DGCR2: variants seen among roughly 807,000 people sequenced by gnomAD.
DGCR2 encodes integral membrane protein DGCR2/IDD.
In DGCR2, 24 loss-of-function variants were observed where a neutral mutation model predicts 51.6. That is an observed-to-expected ratio of 0.47 (90% CI 0.34 to 0.65). DGCR2 has a LOEUF of 0.65. DGCR2 is among the 30% of genes least tolerant of loss of function. The pLI, the probability that DGCR2 is intolerant of heterozygous loss-of-function variation, is 0.01. For missense variants in DGCR2, 765 were observed against 772.1 expected, an observed-to-expected ratio of 0.99 and a Z score of 0.11; for synonymous variants, 340 against 315.4, an observed-to-expected ratio of 1.08 and a Z score of -0.82.
intron 5 of DGCR2, among the ~76,000 whole-genome samples, 182 bp downstream of exon 5, chr22:19,063,020 G>A (rs1384599004): frequency 3.3e-5 from 5 of 152,138 alleles, no homozygotes; most frequent in South Asian, 2.1e-4. Context: ...GCCCAATGCA[G>A]GGCCTGATCT....
chr22:19,086,497 T>A (rs966397787), intron 2 of DGCR2, among the ~76,000 whole-genome samples: 2 of 151,354 alleles, frequency 1.3e-5, no homozygotes, highest in Non-Finnish European at 2.9e-5. Flanking sequence ...AAAAAAGAAA[T>A]CAATCTGCTC....
Position 19,039,112 on chromosome 22 carries a change from G to A in DGCR2, c.1406C>T (p.Ala469Val). 6.2e-7 allele frequency: 1 copy of A among 1,613,082 alleles called. No individual in the cohort carries two copies. The highest frequency in any genetic ancestry group is 8.5e-7 in the Non-Finnish European group (1 of 1,179,966). ...CAGGCTGACCTCCACAGGCTCAAAAGCATCATCGTCTGCAGGAAGAGACAG... is the reference window on the plus strand; with the variant it reads ...CAGGCTGACCTCCACAGGCTCAAAAACATCATCGTCTGCAGGAAGAGACAG... ...SVFYDPADDD[A>V]FEPVEVSLPA... The change falls in exon 10 of 10, where the codon GCT becomes GTT. Residue 469 changes from alanine to valine, a missense_variant. By Grantham distance (64) the Ala-to-Val change is moderately conservative (BLOSUM62 0). This residue lies in a region of DGCR2 where 205 missense variants were observed against 181.4 expected (regional missense o/e 1.13). Transcript: ENST00000263196.
intron 1 of DGCR2, among the ~76,000 whole-genome samples, chr22:19,109,302 T>C (rs960585155): frequency 6.6e-6 from 1 of 152,200 alleles, no homozygotes; most frequent in African/African-American, 2.4e-5. Context: ...TCTGGGTACA[T>C]ACCCAAAATT....
chr22:19,062,517 C>G (rs1194189098), intron 5 of DGCR2, among the ~76,000 whole-genome samples: 2 of 152,154 alleles, frequency 1.3e-5, no homozygotes, highest in African/African-American at 2.4e-5. Flanking sequence ...AATCCTAGCT[C>G]AAGCCACAGG....
In DGCR2 at chr22:19,064,228, G is replaced by C. The variant is rs1014073804; in HGVS notation, c.548+620C>G. Among the ~76,000 whole-genome samples the C allele has an allele frequency of 3.9e-5, 6 of 152,374 alleles. No individual in the cohort carries two copies. The East Asian group carries it at 7.7e-4, about 20-fold the overall frequency. On this transcript the variant is annotated intron_variant, in intron 4 of 9. Coordinates refer to ENST00000263196, the MANE Select transcript of DGCR2 (RefSeq NM_005137.3). Reference sequence around the variant, plus strand: ...AACCACAAGGCTGTCCTCAGAGATGGGGCTGCCCTGCCCTCCGGGCTATAC... The same window carrying C: ...AACCACAAGGCTGTCCTCAGAGATGCGGCTGCCCTGCCCTCCGGGCTATAC...
Position 19,122,146 on chromosome 22 carries a change from T to C in DGCR2, c.61A>G (p.Thr21Ala). 1 of 1,500,934 alleles carries C rather than the reference T, an allele frequency of 6.7e-7. No homozygotes were observed. The highest frequency in any genetic ancestry group is 8.9e-7 in the Non-Finnish European group (1 of 1,124,746). 93.0% of individuals were successfully genotyped at this position (1,500,934 alleles called of 1,614,324 possible). A position where few individuals can be genotyped will look rare whatever the true frequency, so the allele number is the denominator to read the frequency against. ...GGCGCACCTGGCCGCAGCGGCTCGG[T>C]GACAGTGAGCACGAGCAGGAAGAGC... ...LLLFLLVLTV[T>A]EPLRPELRCN... Residue 21 changes from threonine (T) to alanine (A), a missense_variant, in exon 1 of 10, where the codon ACC becomes GCC. Around this residue, in one of 3 missense-constraint regions of DGCR2, gnomAD observed 370 missense variants for 325.5 expected, o/e 1.14. Coordinates refer to ENST00000263196, the MANE Select transcript of DGCR2 (RefSeq NM_005137.3).
chr22:19,042,115 C>T (rs1327269872), intron 7 of DGCR2, among the ~76,000 whole-genome samples, 156 bp from the exon 8 acceptor site: 2 of 152,212 alleles, frequency 1.3e-5, no homozygotes, highest in African/African-American at 4.8e-5. Context: ...TGAAATAAGG[C>T]CGCTCAAAAT....
chr22:19,064,550 C>T (rs1213000776), intron 4 of DGCR2, among the ~76,000 whole-genome samples: 1 of 152,216 alleles, frequency 6.6e-6, no homozygotes, highest in Admixed American at 6.5e-5. Context: ...CCCCCAGCCC[C>T]CTGCCTGCGC....
chr22:19,084,997 C>T (rs927723556), intron 2 of DGCR2, among the ~76,000 whole-genome samples: 17 of 149,534 alleles, frequency 1.1e-4, no homozygotes, highest in African/African-American at 3.0e-4. Flanking sequence ...AAGGGGGAAA[C>T]GTGGGGAAAA....
intron 1 of DGCR2, among the ~76,000 whole-genome samples, chr22:19,115,048 G>A (rs536169766): frequency 1.6e-4 from 25 of 152,348 alleles, no homozygotes; most frequent in African/African-American, 5.3e-4. Context: ...CCAGCTCAGA[G>A]TGACTGAAGC....
intron 7 of DGCR2, 70 bp downstream of exon 7, chr22:19,048,370 A>C: frequency 6.4e-7 from 1 of 1,554,726 alleles, no homozygotes. Flanking sequence ...CCACTGAGGA[A>C]GCAAAGGGAC....
intron 1 of DGCR2, among the ~76,000 whole-genome samples, chr22:19,112,398 T>C (rs1481511259): frequency 6.6e-6 from 1 of 152,052 alleles, no homozygotes; most frequent in African/African-American, 2.4e-5. Context: ...AATACCACTC[T>C]CAATATTATT....
chr22:19,084,538 G>T (rs2082985773), intron 2 of DGCR2, among the ~76,000 whole-genome samples: 1 of 137,574 alleles, frequency 7.3e-6, no homozygotes, highest in African/African-American at 2.9e-5. Flanking sequence ...CGCCCCGTCT[G>T]AGAAGTGAGG....
At chr22:19,121,993 C>T in intron 1 of DGCR2, 135 bp downstream of exon 1, 2 of 477,610 alleles carry the variant, frequency 4.2e-6, no homozygotes, top group East Asian at 5.2e-5. Context: ...CCAGGCGGCC[C>T]GCGAGCCAGG....
At chr22:19,063,409 C>T (rs2082709916) in intron 4 of DGCR2, 131 bp from the exon 5 acceptor site, 2 of 783,936 alleles carry the variant, frequency 2.6e-6, no homozygotes, top group East Asian at 2.8e-5. Context: ...GGTGCGATCT[C>T]GGCTCACTGC....
intron 1 of DGCR2, among the ~76,000 whole-genome samples, chr22:19,103,997 G>A (rs1471298634): frequency 6.6e-6 from 1 of 151,982 alleles, no homozygotes; most frequent in East Asian, 1.9e-4. Context: ...AATCCATCCT[G>A]GGCAACACAG....
At chr22:19,122,106 C>T (rs1169787960) in intron 1 of DGCR2, 22 bp downstream of exon 1, 1 of 1,481,112 alleles carries the variant, frequency 6.8e-7, no homozygotes, top group Non-Finnish European at 9.0e-7. Context: ...AGCCCCCACA[C>T]CGCCCCCATC....
At chr22:19,117,073 C>T (rs1330350326) in intron 1 of DGCR2, among the ~76,000 whole-genome samples, 2 of 152,144 alleles carry the variant, frequency 1.3e-5, no homozygotes, top group African/African-American at 2.4e-5. Flanking sequence ...GCTAAGAGGA[C>T]ACACACAGAT....
chr22:19,083,219 T>C (rs55944437), intron 2 of DGCR2, among the ~76,000 whole-genome samples: 13,747 of 152,318 alleles, frequency 0.09, 727 homozygotes, highest in Middle Eastern at 0.15. Flanking sequence ...CTTCTCCGAC[T>C]GTCACAGCAC....
Sources: gnomAD v4.1 joint callset for allele counts (sites outside exome capture counted in the v4.1 genomes callset) on GRCh38, gnomAD v4.1.1 for gene constraint, gnomAD v4.1.1 regional missense constraint, MANE v1.5 for transcripts, NCBI Gene and HGNC (gene_info 2026-07-23, HGNC 2026-07-21) for gene names.